The following LSAMP variants were observed in gnomAD, a reference collection of about 807,000 sequenced individuals.
The protein encoded by LSAMP is limbic system associated membrane protein.
A neutral mutation model predicts 38.6 loss-of-function variants in LSAMP; 7 were observed. The ratio of observed to expected loss-of-function variants is 0.18; its 90% confidence interval spans 0.10 to 0.34. LSAMP has a LOEUF of 0.34. LSAMP is among the 10% of genes least tolerant of loss of function. LSAMP has a pLI of 1.00. For synonymous variants in LSAMP, 154 were observed against 166.8 expected (o/e 0.92, Z 0.59); for missense variants, 313 against 420.0 (o/e 0.75, Z 2.23).
In LSAMP at chr3:116,281,336, A is replaced by T. The variant is rs2047123738; in HGVS notation, c.155+163541T>A. Among the ~76,000 whole-genome samples the T allele has an allele frequency of 3.3e-5, 5 of 152,302 alleles. No individual in the cohort carries two copies. The South Asian group carries it at 1.0e-3, about 32-fold the overall frequency. On this transcript the variant is annotated intron_variant, in intron 1 of 6. Transcript: ENST00000490035. ...CTGACATCTTGCTGTTTTCAAAGAG[A>T]AGTGCTTATTAGAAAAATTGGTGAG...
At chr3:116,102,199 A>G (rs1258171293) in intron 1 of LSAMP, among the ~76,000 whole-genome samples, 1 of 152,224 alleles carries the variant, frequency 6.6e-6, no homozygotes, top group Admixed American at 6.5e-5. Context: ...AAATTTAGGC[A>G]GTCCAGATTC....
At chr3:116,169,766 A>G (rs1411586956) in intron 1 of LSAMP, among the ~76,000 whole-genome samples, 1 of 152,222 alleles carries the variant, frequency 6.6e-6, no homozygotes, top group Non-Finnish European at 1.5e-5. Flanking sequence ...TGAATTTTTC[A>G]GCTGGGAGTA....
At chr3:116,124,374 G>C (rs1465848916) in intron 1 of LSAMP, among the ~76,000 whole-genome samples, 1 of 152,166 alleles carries the variant, frequency 6.6e-6, no homozygotes, top group Non-Finnish European at 1.5e-5. Flanking sequence ...TCATACCACA[G>C]TATCACATTC....
chr3:116,425,467 A>G (rs2049182090), intron 1 of LSAMP, among the ~76,000 whole-genome samples: 1 of 152,214 alleles, frequency 6.6e-6, no homozygotes, highest in South Asian at 2.1e-4. Context: ...TGATGCAAAT[A>G]TGGCTCTGCT....
chr3:116,411,748 C>T (rs1490008855), intron 1 of LSAMP, among the ~76,000 whole-genome samples: 6 of 148,870 alleles, frequency 4.0e-5, no homozygotes, highest in Admixed American at 4.0e-4. Flanking sequence ...GCACATTGTG[C>T]ACATGTACCC....
intron 1 of LSAMP, among the ~76,000 whole-genome samples, chr3:116,359,379 C>A (rs1032419466): frequency 2.0e-5 from 3 of 152,122 alleles, no homozygotes; most frequent in Non-Finnish European, 2.9e-5. Flanking sequence ...TAGGCTTGGC[C>A]TCTCTCCAAC....
intron 1 of LSAMP, among the ~76,000 whole-genome samples, chr3:116,104,281 G>A (rs1026747567): frequency 2.6e-5 from 4 of 152,020 alleles, no homozygotes; most frequent in African/African-American, 7.2e-5. Context: ...TATTCAATGC[G>A]AAACAGTGTA....
At chr3:116,097,564 G>A (rs554001840) in intron 1 of LSAMP, among the ~76,000 whole-genome samples, 31 of 152,164 alleles carry the variant, frequency 2.0e-4, no homozygotes, top group Middle Eastern at 3.4e-3. Context: ...ATGCTATAAC[G>A]AAGTTAACAC....
At chr3:116,032,948 T>C (rs963571606) in intron 2 of LSAMP, among the ~76,000 whole-genome samples, 2 of 152,196 alleles carry the variant, frequency 1.3e-5, no homozygotes, top group African/African-American at 4.8e-5. Flanking sequence ...GTGCTCAGCA[T>C]AGAAATGGAA....
chr3:116,031,563 TTTTTTTTTTTTTTTTTTTTTTTTTTTA>T (rs1940925582), intron 2 of LSAMP, among the ~76,000 whole-genome samples: 5 of 54,230 alleles, frequency 9.2e-5, no homozygotes, highest in Non-Finnish European at 1.6e-4. Flanking sequence ...TTTTTTTTTT[TTTTTTTTTTTTTTTTTTTTTTTTTTTA>T]GTTGCTTAAG....
chr3:116,255,878 A>C (rs886934020), intron 1 of LSAMP, among the ~76,000 whole-genome samples: 2 of 152,194 alleles, frequency 1.3e-5, no homozygotes, highest in African/African-American at 4.8e-5. Context: ...CTTTAGTAGG[A>C]GATACTGCTG....
At chr3:116,328,703 A>C (rs1052667157) in intron 1 of LSAMP, among the ~76,000 whole-genome samples, 6 of 152,158 alleles carry the variant, frequency 3.9e-5, no homozygotes, top group African/African-American at 1.4e-4. Flanking sequence ...CCATCTGTAC[A>C]CTGACATACC....
Position 115,854,272 on chromosome 3 carries a change from TA to T in LSAMP, c.515-1656del, listed in dbSNP as rs1559851817. Among the ~76,000 whole-genome samples, 51 of 121,540 alleles carry T rather than the reference TA, an allele frequency of 4.2e-4. 1 individual carries two copies. Among genetic ancestry groups the T allele is most frequent in the East Asian group, 1.5e-3 (7 of 4,746 alleles). 79.7% of individuals were successfully genotyped at this position (121,540 alleles called of 152,430 possible). On this transcript the variant is annotated intron_variant, in intron 3 of 6. Coordinates refer to ENST00000490035, the MANE Select transcript of LSAMP (RefSeq NM_002338.5). ...TAAATATTATTATTATTATTATTAT[TA>T]TTATTATTATTTTTTTTTTTTTTTT... is the stretch of plus-strand genomic sequence containing the variant.
intron 1 of LSAMP, among the ~76,000 whole-genome samples, chr3:116,314,334 T>A (rs751532162): frequency 1.3e-5 from 2 of 152,332 alleles, no homozygotes; most frequent in Non-Finnish European, 1.5e-5. Context: ...GGTGAATCCA[T>A]GTAAAATCCT....
At chr3:116,287,117 T>A (rs923210550) in intron 1 of LSAMP, among the ~76,000 whole-genome samples, 1 of 152,138 alleles carries the variant, frequency 6.6e-6, no homozygotes, top group African/African-American at 2.4e-5. Flanking sequence ...GTAATTTTTT[T>A]AAAGTTAACT....
chr3:116,141,964 G>A (rs1709379967), intron 1 of LSAMP, among the ~76,000 whole-genome samples: 2 of 151,970 alleles, frequency 1.3e-5, no homozygotes, highest in Non-Finnish European at 2.9e-5. Context: ...CAGCTGATGA[G>A]TCAGTTCCCT....
intron 1 of LSAMP, among the ~76,000 whole-genome samples, chr3:116,306,888 CG>C (rs1559822069): frequency 6.6e-6 from 1 of 151,920 alleles, no homozygotes; most frequent in African/African-American, 2.4e-5. Context: ...TCCCAAGAGT[CG>C]TCTGAGGCCC....
intron 1 of LSAMP, among the ~76,000 whole-genome samples, chr3:116,358,515 CG>C (rs1559840667): frequency 1.3e-5 from 2 of 152,114 alleles, no homozygotes; most frequent in South Asian, 2.1e-4. Context: ...CACACTTGGA[CG>C]GAAGAAAAGC....
intron 1 of LSAMP, among the ~76,000 whole-genome samples, chr3:116,243,070 G>A (rs751478348): frequency 1.2e-4 from 19 of 152,150 alleles, no homozygotes; most frequent in Non-Finnish European, 2.2e-4. Context: ...GATTAGTCAC[G>A]GCAGGAAGCT....
Sources: gnomAD v4.1 joint callset for allele counts (sites outside exome capture counted in the v4.1 genomes callset) on GRCh38, gnomAD v4.1.1 for gene constraint, MANE v1.5 for transcripts, NCBI Gene and HGNC (gene_info 2026-07-23, HGNC 2026-07-21) for gene names.